CTNNA3: variants seen among roughly 807,000 people sequenced by gnomAD.
CTNNA3 encodes catenin alpha-3.
Under a neutral mutation model 95.7 loss-of-function variants are expected in CTNNA3, and 76 were observed. The observed-to-expected ratio is 0.79, with a 90% CI of 0.66 to 0.96. The LOEUF is 0.96. Among genes scored for constraint, CTNNA3 ranks in the 40% least tolerant of loss-of-function variants. The pLI is 0.00. For missense variants in CTNNA3, 1,191 were observed against 1,089.8 expected, an observed-to-expected ratio of 1.09 and a Z score of -1.31; for synonymous variants, 431 against 374.4, an observed-to-expected ratio of 1.15 and a Z score of -1.74.
chr10:66,817,886 C>A (rs1187032533), intron 7 of CTNNA3, among the ~76,000 whole-genome samples: 1 of 151,804 alleles, frequency 6.6e-6, no homozygotes, highest in Non-Finnish European at 1.5e-5. Flanking sequence ...AGTACAAAAA[C>A]CATCAACAAA....
chr10:66,933,577 C>T (rs933876575), intron 7 of CTNNA3, among the ~76,000 whole-genome samples: 17 of 152,232 alleles, frequency 1.1e-4, no homozygotes, highest in South Asian at 2.1e-4. Flanking sequence ...AGGATTAGCA[C>T]GCATTCCAGG....
intron 7 of CTNNA3, among the ~76,000 whole-genome samples, chr10:66,964,390 A>C (rs967896738): frequency 1.3e-5 from 2 of 152,104 alleles, no homozygotes; most frequent in Non-Finnish European, 2.9e-5. Flanking sequence ...TCATACTTTA[A>C]AATTACATAC....
At chr10:67,291,635 G>T (rs1427538294) in intron 5 of CTNNA3, among the ~76,000 whole-genome samples, 1 of 152,134 alleles carries the variant, frequency 6.6e-6, no homozygotes, top group Non-Finnish European at 1.5e-5. Context: ...ATTCACTGGG[G>T]TTCGTTTTAC....
At chr10:66,697,801 A>G (rs941645530) in intron 9 of CTNNA3, among the ~76,000 whole-genome samples, 2 of 152,176 alleles carry the variant, frequency 1.3e-5, no homozygotes, top group African/African-American at 4.8e-5. Context: ...TGAGCAATAA[A>G]CTAAAGCTGC....
intron 12 of CTNNA3, among the ~76,000 whole-genome samples, chr10:66,291,563 A>C (rs1388329750): frequency 6.6e-6 from 1 of 152,110 alleles, no homozygotes; most frequent in Non-Finnish European, 1.5e-5. Flanking sequence ...ATCTGAGAAG[A>C]GGGAAGGTGA....
At chr10:66,347,813 T>A (rs768694798) in intron 12 of CTNNA3, among the ~76,000 whole-genome samples, 17 of 151,984 alleles carry the variant, frequency 1.1e-4, no homozygotes, top group Non-Finnish European at 2.4e-4. Flanking sequence ...TAAATCTGAA[T>A]AAAGAATATG....
chr10:67,485,450 T>A (rs1848407983), intron 5 of CTNNA3, among the ~76,000 whole-genome samples: 1 of 152,116 alleles, frequency 6.6e-6, no homozygotes, highest in African/African-American at 2.4e-5. Flanking sequence ...CAGCTTGCAA[T>A]ATAACCATGT....
At chr10:67,423,111 TG>T (rs1845805320) in intron 5 of CTNNA3, among the ~76,000 whole-genome samples, 1 of 152,174 alleles carries the variant, frequency 6.6e-6, no homozygotes, top group African/African-American at 2.4e-5. Flanking sequence ...AATTAGGCTT[TG>T]CATATATTTG....
Position 67,005,682 on chromosome 10 carries a change from C to CTTT in CTNNA3, c.1047+174632_1047+174634dup, listed in dbSNP as rs11369576. Among the ~76,000 whole-genome samples, 46 of 61,980 alleles carry CTTT rather than the reference C, an allele frequency of 7.4e-4. 6 individuals are homozygous for CTTT. Among genetic ancestry groups the CTTT allele is most frequent in the South Asian group, 1.0e-3 (1 of 992 alleles). 40.7% of individuals were successfully genotyped at this position (61,980 alleles called of 152,430 possible). A position where few individuals can be genotyped will look rare whatever the true frequency, so the allele number is the denominator to read the frequency against. On this transcript the variant is annotated intron_variant, in intron 7 of 17. Transcript: ENST00000433211. Reference sequence around the variant, plus strand: ...AATGCTTTTGTTTATTTTACTCCATCTTTTTTTTTTTTTTTTTTTTTGAGA... The same window carrying CTTT: ...AATGCTTTTGTTTATTTTACTCCATCTTTTTTTTTTTTTTTTTTTTTTTTGAGA...
chr10:67,616,453 A>G (rs1212685491), intron 2 of CTNNA3, among the ~76,000 whole-genome samples: 6 of 152,234 alleles, frequency 3.9e-5, no homozygotes, highest in Non-Finnish European at 8.8e-5. Context: ...CCGTTGCTGT[A>G]GCCCAAGTGA....
intron 10 of CTNNA3, among the ~76,000 whole-genome samples, chr10:66,548,793 C>A (rs1328554730): frequency 9.2e-5 from 14 of 152,008 alleles, no homozygotes; most frequent in Admixed American, 9.2e-4. Context: ...TCTTATAATA[C>A]ATTTTTAAAT....
chr10:67,373,229 C>T (rs185746276), intron 5 of CTNNA3, among the ~76,000 whole-genome samples: 1 of 152,186 alleles, frequency 6.6e-6, no homozygotes, highest in African/African-American at 2.4e-5. Flanking sequence ...TCAGGAAACC[C>T]ATCTCACATG....
intron 12 of CTNNA3, among the ~76,000 whole-genome samples, chr10:66,348,983 C>A (rs2092546377): frequency 6.6e-6 from 1 of 152,038 alleles, no homozygotes; most frequent in African/African-American, 2.4e-5. Flanking sequence ...AGGTGGCCAC[C>A]ATGACCCTTT....
intron 1 of CTNNA3, among the ~76,000 whole-genome samples, chr10:67,665,034 T>C (rs917313180): frequency 6.6e-6 from 1 of 152,254 alleles, no homozygotes; most frequent in East Asian, 1.9e-4. Context: ...CTAAAGTATG[T>C]AAAGTTTCTA....
At chr10:66,113,475 G>A (rs2082196259) in intron 13 of CTNNA3, among the ~76,000 whole-genome samples, 1 of 152,082 alleles carries the variant, frequency 6.6e-6, no homozygotes, top group African/African-American at 2.4e-5. Flanking sequence ...ACAACATAAG[G>A]CTGGAACTAT....
At chr10:67,095,352 G>T (rs74913602) in intron 7 of CTNNA3, among the ~76,000 whole-genome samples, 2,654 of 151,720 alleles carry the variant, frequency 0.017, 84 homozygotes, top group East Asian at 0.12. Flanking sequence ...AAAAAATGTG[G>T]ATTTATATTT....
chr10:66,894,915 C>T (rs1030813142), intron 7 of CTNNA3, among the ~76,000 whole-genome samples: 4 of 151,228 alleles, frequency 2.6e-5, no homozygotes, highest in Admixed American at 6.6e-5. Context: ...ATATAGTAGG[C>T]GTTTCATTTG....
At chr10:65,997,445 G>A (rs935630618) in intron 15 of CTNNA3, among the ~76,000 whole-genome samples, 52 of 152,298 alleles carry the variant, frequency 3.4e-4, no homozygotes, top group African/African-American at 1.2e-3. Flanking sequence ...TACAGTTGGA[G>A]GTGGAGAGCG....
chr10:66,406,876 A>C (rs1284447320), intron 11 of CTNNA3, among the ~76,000 whole-genome samples: 1 of 152,198 alleles, frequency 6.6e-6, no homozygotes. Flanking sequence ...TGAAATAACC[A>C]TACTTATATC....
Sources: gnomAD v4.1 joint callset for allele counts (sites outside exome capture counted in the v4.1 genomes callset) on GRCh38, gnomAD v4.1.1 for gene constraint, MANE v1.5 for transcripts, NCBI Gene and HGNC (gene_info 2026-07-23, HGNC 2026-07-21) for gene names.